The following CGRRF1 variants were observed in gnomAD, a reference collection of about 807,000 sequenced individuals.
CGRRF1 encodes the protein cell growth regulator with ring finger domain 1.
In CGRRF1, 32 loss-of-function variants were observed where a neutral mutation model predicts 37.2. The ratio of observed to expected loss-of-function variants is 0.86; its 90% CI spans 0.65 to 1.16. CGRRF1 has a LOEUF of 1.16. Among genes scored for constraint, CGRRF1 ranks in the 50% most tolerant of loss-of-function variants. CGRRF1 has a pLI of 0.00. For synonymous variants in CGRRF1, 141 were observed against 140.3 expected, an observed-to-expected ratio of 1.00 and a Z score of -0.04; for missense variants, 391 against 382.6, an observed-to-expected ratio of 1.02 and a Z score of -0.18.
At chr14:54,510,270 C>A in intron 1 of CGRRF1, 1 of 577,514 alleles carries the variant, frequency 1.7e-6, no homozygotes. Context: ...ACCGTTTGGT[C>A]CGTGTCGCTG....
intron 4 of CGRRF1, 54 bp downstream of exon 4, chr14:54,531,104 T>C: frequency 7.5e-7 from 1 of 1,329,410 alleles, no homozygotes; most frequent in Non-Finnish European, 1.0e-6. Flanking sequence ...GAATGGTGGT[T>C]CTTCATTATT....
chr14:54,516,793 T>A (rs545784613), intron 1 of CGRRF1, among the ~76,000 whole-genome samples: 3 of 152,180 alleles, frequency 2.0e-5, no homozygotes, highest in Admixed American at 1.3e-4. Flanking sequence ...AGACTTCAGT[T>A]ACATGGCTGA....
chr14:54,537,622 C>T (rs1052071070), intron 4 of CGRRF1, 100 bp from the exon 5 acceptor site: 6 of 1,178,762 alleles, frequency 5.1e-6, no homozygotes, highest in Non-Finnish European at 6.5e-6. Context: ...TTTTTTTTGG[C>T]AGAAGACAGT....
chr14:54,518,597 T>G lies in CGRRF1; in HGVS notation c.105-3857T>G, dbSNP rs551077508. Among the ~76,000 whole-genome samples the G allele has an allele frequency of 1.6e-4, 24 of 152,172 alleles. No individual in the cohort carries two copies. In the East Asian group the frequency reaches 4.4e-3, roughly 28 times the overall value. On this transcript the variant is annotated intron_variant, in intron 1 of 5. Transcript: ENST00000216420. ...AAGTGTTTCTTTTTCTCCACAACTT[T>G]GCCAAGATCTGTTGTTTCTGGATTT...
At chr14:54,535,082 G>A (rs554513818) in intron 4 of CGRRF1, among the ~76,000 whole-genome samples, 1 of 152,166 alleles carries the variant, frequency 6.6e-6, no homozygotes, top group East Asian at 1.9e-4. Context: ...AATGATTTGA[G>A]AATAAGTTGC....
rs2032484581 is a variant in CGRRF1 at position 54,530,093 on chromosome 14, A to G, written c.289A>G (p.Thr97Ala). Residue 97 changes from threonine (T) to alanine (A), a missense_variant, in exon 3 of 6, where the codon ACA (threonine) becomes GCA (alanine). Transcript: ENST00000216420. ...AGATTGCCTTGAAGATAGCCTCCTT[A>G]CATGCTACTGGGGGTGCAGTGTTCA... ...TTDCLEDSLLTCYWGCSVQKL... is the reference protein window; with the variant it reads ...TTDCLEDSLLACYWGCSVQKL... 5 of 1,613,242 alleles carry G rather than the reference A, an allele frequency of 3.1e-6. No homozygotes were observed. In the East Asian group the frequency reaches 1.1e-4, roughly 36 times the overall value.
intron 1 of CGRRF1, among the ~76,000 whole-genome samples, chr14:54,515,291 A>C (rs1198002972): frequency 1.3e-5 from 2 of 151,490 alleles, no homozygotes; most frequent in South Asian, 2.1e-4. Flanking sequence ...ATGGGGTTTC[A>C]TCATGTTGGC....
chr14:54,535,710 C>A (rs957868261), intron 4 of CGRRF1, among the ~76,000 whole-genome samples: 4 of 152,046 alleles, frequency 2.6e-5, no homozygotes, highest in African/African-American at 9.7e-5. Flanking sequence ...ATTGATGATT[C>A]TTGCCAGATT....
intron 2 of CGRRF1, among the ~76,000 whole-genome samples, chr14:54,529,271 A>T (rs1007559722): frequency 2.0e-5 from 3 of 152,200 alleles, no homozygotes; most frequent in Admixed American, 2.0e-4. Flanking sequence ...ATTGCTACAA[A>T]TACCACTAGG....
intron 1 of CGRRF1, among the ~76,000 whole-genome samples, chr14:54,510,554 A>T (rs2032112833): frequency 6.6e-6 from 1 of 152,228 alleles, no homozygotes; most frequent in African/African-American, 2.4e-5. Context: ...TTGTAACTGA[A>T]CTGTTACCGT....
chr14:54,512,445 T>A (rs1337672106), intron 1 of CGRRF1, among the ~76,000 whole-genome samples: 1 of 151,704 alleles, frequency 6.6e-6, no homozygotes, highest in Non-Finnish European at 1.5e-5. Flanking sequence ...TTACATCCTT[T>A]AACAGTTTCA....
In CGRRF1 at chr14:54,531,018, G is replaced by C; in HGVS notation, c.538G>C (p.Ala180Pro). 1 of 1,611,574 alleles carries C rather than the reference G, an allele frequency of 6.2e-7. No individual in the cohort carries two copies. Among genetic ancestry groups the C allele is most frequent in the Non-Finnish European group, 8.5e-7 (1 of 1,179,050 alleles). ...TCCATTGGTAGCGCTATTGACCTTAGCTGATGAGGATGACCGGGAAATTTA... is the reference window on the plus strand; with the variant it reads ...TCCATTGGTAGCGCTATTGACCTTACCTGATGAGGATGACCGGGAAATTTA... The part of the protein sequence containing the change: ...RYPLVALLTL[A>P]DEDDREIYDI... The change falls in exon 4 of 6, where the codon GCT (alanine) becomes CCT (proline). Residue 180 changes from alanine to proline, a missense_variant. Ala to Pro is a conservative substitution (Grantham distance 27). Transcript: ENST00000216420.
rs930745117 is a variant in CGRRF1, at chr14:54,515,961, G to A, written c.104+5898G>A. On this transcript the variant is annotated intron_variant, in intron 1 of 5. Transcript: ENST00000216420. ...ATTTAATTCCACCATCTTGCTATTC[G>A]TTTTTTGTTTGTTTTGTCTGTTCTT... 4.0e-5 allele frequency among the ~76,000 whole-genome samples: 6 copies of A among 151,776 alleles called. No individual in the cohort carries two copies. In the East Asian group the frequency reaches 1.2e-3, roughly 29 times the overall value.
chr14:54,522,020 G>A (rs2032325411), intron 1 of CGRRF1, among the ~76,000 whole-genome samples: 1 of 151,806 alleles, frequency 6.6e-6, no homozygotes, highest in Non-Finnish European at 1.5e-5. Context: ...TATCTGAGGG[G>A]GATTGATTCT....
Position 54,537,709 on chromosome 14 carries a change from A to G in CGRRF1, c.571-13A>G, listed in dbSNP as rs1438416894. 10 of 1,543,202 alleles carry G rather than the reference A, an allele frequency of 6.5e-6. No homozygotes were observed. The highest frequency in any genetic ancestry group is 2.6e-5 in the South Asian group (2 of 77,404). Reference sequence around the variant, plus strand: ...GATTTTAAGTACTGACCAGTGTTCAATTTTTATTTTAGATTTCCATGGTGT... The same window carrying G: ...GATTTTAAGTACTGACCAGTGTTCAGTTTTTATTTTAGATTTCCATGGTGT... On this transcript the variant is annotated splice_polypyrimidine_tract_variant and intron_variant, in intron 4 of 5. Transcript: ENST00000216420.
chr14:54,524,484 C>T (rs1267524007), intron 2 of CGRRF1, among the ~76,000 whole-genome samples: 1 of 151,016 alleles, frequency 6.6e-6, no homozygotes, highest in Non-Finnish European at 1.5e-5. Context: ...ACCCTGGGCT[C>T]AAGTGGTCCT....
At chr14:54,530,745 T>G in intron 3 of CGRRF1, 158 bp from the exon 4 acceptor site, 4 of 874,542 alleles carry the variant, frequency 4.6e-6, no homozygotes, top group Non-Finnish European at 7.2e-6. Flanking sequence ...AGTGAATGTC[T>G]CTATCAGGAA....
At chr14:54,511,338 AAAACAAAGACC>A (rs1331358385) in intron 1 of CGRRF1, among the ~76,000 whole-genome samples, 2 of 152,190 alleles carry the variant, frequency 1.3e-5, no homozygotes, top group African/African-American at 4.8e-5. Context: ...GTAAGATTGG[AAAACAAAGACC>A]AATCTTACAC....
intron 4 of CGRRF1, among the ~76,000 whole-genome samples, chr14:54,532,935 G>A (rs1038424352): frequency 6.6e-6 from 1 of 151,912 alleles, no homozygotes; most frequent in Non-Finnish European, 1.5e-5. Context: ...AAGCCCTTCT[G>A]CCCCCACTGT....
Sources: allele counts gnomAD v4.1 joint callset (sites outside exome capture counted in the v4.1 genomes callset), GRCh38; gene constraint gnomAD v4.1.1; transcripts MANE v1.5; gene names NCBI Gene and HGNC (gene_info 2026-07-23, HGNC 2026-07-21).